MED16: variants seen among roughly 807,000 people sequenced by gnomAD.
The protein encoded by MED16 is mediator of RNA polymerase II transcription subunit 16.
In MED16, 81 loss-of-function variants were observed where a neutral mutation model predicts 84.4. The observed-to-expected ratio is 0.96, with a 90% CI of 0.80 to 1.15. The LOEUF is 1.15. Ranked by LOEUF, MED16 falls within the 50% of genes most tolerant of loss-of-function variation. The pLI is 0.00. For synonymous variants in MED16, 897 were observed against 552.2 expected (o/e 1.62, Z -8.76); for missense variants, 1,585 against 1,245.9 (o/e 1.27, Z -4.10).
At chr19:879,083 C>T (rs1381289101) in intron 8 of MED16, among the ~76,000 whole-genome samples, 7 of 129,254 alleles carry the variant, frequency 5.4e-5, no homozygotes, top group African/African-American at 2.0e-4. Flanking sequence ...CCCAGCCCCA[C>T]GTGCCCCAGC....
At chr19:890,869 G>A in intron 2 of MED16, 94 bp downstream of exon 2, 1 of 1,363,612 alleles carries the variant, frequency 7.3e-7, no homozygotes, top group Non-Finnish European at 9.9e-7. Flanking sequence ...TGGCCTGAGA[G>A]ACCGAGTCCC....
chr19:881,197 G>C (rs1160687253), intron 7 of MED16, among the ~76,000 whole-genome samples: 3 of 152,194 alleles, frequency 2.0e-5, no homozygotes, highest in Admixed American at 2.0e-4. Flanking sequence ...CATGGGCACG[G>C]ATGCCACGGT....
rs760147614 is a variant in MED16 at position 880,022 on chromosome 19, C to G, written c.1268G>C (p.Arg423Pro). The stretch of plus-strand genomic sequence containing the variant: ...TAAGTGGACGGCGGGGCCCGCGGTG[C>G]GGGGGCGCTTCATGGCCGGCTCATC... ...PVDEPAMKRP[R>P]TAGPAVHLKA... The change falls in exon 8 of 16, where the codon CGC becomes CCC. Residue 423 changes from arginine to proline, a missense_variant. Arg to Pro is a moderately radical substitution (Grantham distance 103). Transcript: ENST00000325464. 1 of 1,610,660 alleles carries G rather than the reference C, an allele frequency of 6.2e-7. No individual in the cohort carries two copies. The highest frequency in any genetic ancestry group is 8.5e-7 in the Non-Finnish European group (1 of 1,179,016).
At position 890,192 on chromosome 19, in the gene MED16, G is replaced by A. The variant is rs182721826; in HGVS notation, c.222C>T (p.His74=). Residue 74 remains histidine, a synonymous_variant, in exon 3 of 16, where the codon CAC becomes CAT. Coordinates refer to ENST00000325464, the MANE Select transcript of MED16 (RefSeq NM_005481.3). Reference sequence around the variant, plus strand: ...CCTCGTGGTGCTCTGAGGGGATCGAGTGCAGGTCCCAGGGGTGCTCCGTGT... The same window carrying A: ...CCTCGTGGTGCTCTGAGGGGATCGAATGCAGGTCCCAGGGGTGCTCCGTGT... ...ILDTEHPWDL[H]SIPSEHHEAI... is the part of the protein sequence containing the mutation. 2.5e-5 allele frequency: 39 copies of A among 1,554,962 alleles called. 1 individual carries two copies. The East Asian group carries it at 2.7e-4, about 11-fold the overall frequency.
intron 7 of MED16, 45 bp downstream of exon 7, chr19:881,514 G>C (rs771216823): frequency 2.5e-6 from 4 of 1,581,126 alleles, no homozygotes; most frequent in Non-Finnish European, 3.4e-6. Context: ...CAACTCCCCT[G>C]GTGTGAACTG....
chr19:876,517 G>A (rs2036233712), intron 9 of MED16, among the ~76,000 whole-genome samples: 3 of 152,146 alleles, frequency 2.0e-5, no homozygotes, highest in Admixed American at 6.5e-5. Flanking sequence ...GGGGGGATCA[G>A]GCCTTACCTG....
At position 879,942 on chromosome 19, in the gene MED16, C is replaced by A. The variant is rs765012844; in HGVS notation, c.1348G>T (p.Gly450Trp). The A allele has an allele frequency of 6.3e-6, 10 of 1,598,268 alleles. No homozygotes were observed. Among genetic ancestry groups the A allele is most frequent in the African/African-American group, 1.3e-5 (1 of 74,460 alleles). The part of the protein sequence containing the change: ...SLALVGIDSH[G>W]KLSVLRLSPS... ...CACGTGCCCCAGCAGCTCACCTTCC[C>A]GTGGCTGTCAATCCCCACCAGGGCC... The change falls in exon 8 of 16, where the codon GGG becomes TGG. Residue 450 changes from glycine (G) to tryptophan (W), a missense_variant. Gly to Trp is a radical substitution (Grantham distance 184). Coordinates refer to ENST00000325464, the MANE Select transcript of MED16 (RefSeq NM_005481.3).
Position 885,869 on chromosome 19 carries a change from C to T in MED16, c.780G>A (p.Leu260=). 1.2e-6 allele frequency: 2 copies of T among 1,613,794 alleles called. No individual in the cohort carries two copies. The highest frequency in any genetic ancestry group is 1.7e-6 in the Non-Finnish European group (2 of 1,179,976). ...SEKCRIDTEI[L]PSLFMRCTTD... is the part of the protein sequence containing the mutation. ...TGGTGCAGCGCATGAACAGGGAGGG[C>T]AGGATCTCCGTGTCGATACGGCACT... The change falls in exon 5 of 16, where the codon CTG becomes CTA. Residue 260 remains leucine, a synonymous_variant. Transcript: ENST00000325464.
At chr19:876,701 G>A (rs898639154) in intron 9 of MED16, among the ~76,000 whole-genome samples, 3 of 152,066 alleles carry the variant, frequency 2.0e-5, no homozygotes, top group African/African-American at 4.8e-5. Context: ...ACCTGCCGCA[G>A]GGAAACCCCT....
At chr19:878,503 C>G (rs796615774) in intron 8 of MED16, among the ~76,000 whole-genome samples, 11 of 122,610 alleles carry the variant, frequency 9.0e-5, no homozygotes, top group South Asian at 2.9e-4. Context: ...GCCCACCAGC[C>G]CCAGCCCCAC....
chr19:893,028 C>T (rs1158693914), intron 1 of MED16, 58 bp downstream of exon 1: 6 of 152,732 alleles, frequency 3.9e-5, no homozygotes, highest in African/African-American at 1.4e-4. Flanking sequence ...CCCTCGGGTC[C>T]GTGGACACGG....
rs1335414412 is a variant in MED16 at position 868,148 on chromosome 19, T to C, written c.2587A>G (p.Arg863Gly). 6.2e-7 allele frequency: 1 copy of C among 1,611,782 alleles called. No homozygotes were observed. Among genetic ancestry groups the C allele is most frequent in the African/African-American group, 1.3e-5 (1 of 75,034 alleles). Residue 863 changes from arginine (R) to glycine (G), a missense_variant, in exon 16 of 16, where the codon AGG (arginine) becomes GGG (glycine). By Grantham distance (125) the Arg-to-Gly change is moderately radical (BLOSUM62 -2). Transcript: ENST00000325464. ...AGATGGTCCAGGGATCTGGGGGTCC[T>C]GGGAGAGTGGTGTGTGGACTGCGGG... Reference protein sequence around the residue: ...LGPQSTHHSPRTPRSLDHLHP... With the variant: ...LGPQSTHHSPGTPRSLDHLHP...
At chr19:878,235 G>A (rs1371754937) in intron 8 of MED16, among the ~76,000 whole-genome samples, 3 of 26,568 alleles carry the variant, frequency 1.1e-4, no homozygotes, top group African/African-American at 1.7e-4. Context: ...ATGCCCACCA[G>A]CCCCAGCCCC....
intron 2 of MED16, 116 bp downstream of exon 2, chr19:890,847 G>A (rs750070837): frequency 1.8e-6 from 2 of 1,141,204 alleles, no homozygotes; most frequent in South Asian, 3.1e-5. Context: ...GAGGGCCAGG[G>A]TGAGTGAGAG....
chr19:876,035 T>C (rs1599325414), intron 9 of MED16, among the ~76,000 whole-genome samples: 1 of 152,330 alleles, frequency 6.6e-6, no homozygotes, highest in East Asian at 1.9e-4. Context: ...TCGCCATCAC[T>C]AGCGCTGTCA....
Position 869,917 on chromosome 19 carries a change from T to C in MED16, c.2316-971A>G, listed in dbSNP as rs954970542. On this transcript the variant is annotated intron_variant, in intron 13 of 15. Coordinates refer to ENST00000325464, the MANE Select transcript of MED16 (RefSeq NM_005481.3). The stretch of plus-strand genomic sequence containing the variant: ...ACCGCGTGACCCCAGATGAGTGGGG[T>C]GACAAGGTCCCACCCTTTCCAGGCT... Among the ~76,000 whole-genome samples the C allele has an allele frequency of 3.9e-5, 6 of 152,096 alleles. No homozygotes were observed. The South Asian group carries it at 1.2e-3, about 32-fold the overall frequency.
At chr19:870,843 G>A (rs1411230629) in intron 13 of MED16, among the ~76,000 whole-genome samples, 194 bp downstream of exon 13, 2 of 148,210 alleles carry the variant, frequency 1.3e-5, no homozygotes, top group African/African-American at 2.5e-5. Flanking sequence ...GGGGGTCCCG[G>A]GGCAGGACAT....
intron 6 of MED16, among the ~76,000 whole-genome samples, chr19:882,219 G>A (rs2036435263): frequency 1.3e-5 from 2 of 152,258 alleles, no homozygotes; most frequent in South Asian, 4.1e-4. Context: ...CTTAGCAAAT[G>A]TGACATGGCC....
At chr19:889,335 T>C (rs1028512660) in intron 4 of MED16, among the ~76,000 whole-genome samples, 2 of 152,016 alleles carry the variant, frequency 1.3e-5, no homozygotes, top group Admixed American at 6.6e-5. Context: ...CTAAGGACAG[T>C]AGCCTCCAGT....
Sources: gnomAD v4.1 joint callset for allele counts (sites outside exome capture counted in the v4.1 genomes callset) on GRCh38, gnomAD v4.1.1 for gene constraint, MANE v1.5 for transcripts, NCBI Gene and HGNC (gene_info 2026-07-23, HGNC 2026-07-21) for gene names.